Variants in SLC16A2 observed in about 807,000 individuals in gnomAD.
SLC16A2 encodes the protein solute carrier family 16 member 2.
Under a neutral mutation model 27.2 loss-of-function variants are expected in SLC16A2, and 3 were observed. That is an observed-to-expected ratio of 0.11 (90% CI 0.05 to 0.28). The LOEUF is 0.28. SLC16A2 is among the 10% of genes least tolerant of loss of function. The probability of loss-of-function intolerance (pLI) is 1.00; values close to 1 mark genes in which losing one functional copy is unlikely to be tolerated. For missense variants in SLC16A2, 295 were observed against 458.5 expected (o/e 0.64, Z 3.26); for synonymous variants, 202 against 187.8 (o/e 1.08, Z -0.62).
intron 1 of SLC16A2, among the ~76,000 whole-genome samples, chrX:74,508,292 A>G (rs1463640033): frequency 2.7e-5 from 3 of 112,266 alleles, no homozygotes; most frequent in Admixed American, 9.5e-5. Flanking sequence ...CATTGTATCT[A>G]CAGAACAATT....
chrX:74,425,992 C>T (rs1369183808), intron 1 of SLC16A2, among the ~76,000 whole-genome samples: 3 of 111,689 alleles, frequency 2.7e-5, no homozygotes, highest in African/African-American at 9.8e-5. Flanking sequence ...CTGATGGAAA[C>T]AGAATTTTCT....
At chrX:74,452,649 G>T (rs938934925) in intron 1 of SLC16A2, among the ~76,000 whole-genome samples, 1 of 111,190 alleles carries the variant, frequency 9.0e-6, no homozygotes, top group Non-Finnish European at 1.9e-5. Flanking sequence ...CGACACATAT[G>T]TGATGTATAC....
chrX:74,435,843 G>A (rs184225568), intron 1 of SLC16A2, among the ~76,000 whole-genome samples: 1 of 110,017 alleles, frequency 9.1e-6, no homozygotes, highest in East Asian at 2.9e-4. Context: ...CCTGGGTTCT[G>A]GTTCTGGCTC....
intron 2 of SLC16A2, among the ~76,000 whole-genome samples, chrX:74,521,867 G>T (rs1930413066): frequency 8.9e-6 from 1 of 112,153 alleles, no homozygotes; most frequent in Admixed American, 9.4e-5. Flanking sequence ...AGTCCCACTG[G>T]TTCCACTGGC....
chrX:74,505,159 A>G (rs1175470399), intron 1 of SLC16A2, among the ~76,000 whole-genome samples: 1 of 111,836 alleles, frequency 8.9e-6, no homozygotes, highest in African/African-American at 3.2e-5. Context: ...AAAAATTCTA[A>G]AGGAGGAAAA....
At chrX:74,454,491 A>G (rs1334521926) in intron 1 of SLC16A2, among the ~76,000 whole-genome samples, 3 of 106,800 alleles carry the variant, frequency 2.8e-5, no homozygotes, top group Admixed American at 1.0e-4. Context: ...AAAACCAAAC[A>G]TGGCATGTTC....
At chrX:74,437,571 G>A (rs949697431) in intron 1 of SLC16A2, among the ~76,000 whole-genome samples, 14 of 111,998 alleles carry the variant, frequency 1.3e-4, no homozygotes, top group Non-Finnish European at 2.4e-4. Context: ...TTTGCCTATG[G>A]AAAAACTAGC....
chrX:74,528,922 G>T (rs1023542903), intron 4 of SLC16A2, among the ~76,000 whole-genome samples: 1 of 111,969 alleles, frequency 8.9e-6, no homozygotes, highest in Non-Finnish European at 1.9e-5. Context: ...TTATCTTAGG[G>T]TCTAGTGCAA....
At chrX:74,505,986 G>T (rs761534035) in intron 1 of SLC16A2, among the ~76,000 whole-genome samples, 6 of 112,124 alleles carry the variant, frequency 5.4e-5, no homozygotes, top group African/African-American at 1.9e-4. Context: ...AAAATTGTTC[G>T]TCTGACTCCT....
In SLC16A2 at chrX:74,473,087, G is replaced by C. The variant is rs757235695; in HGVS notation, c.431-47903G>C. 8 of 541,146 alleles carry C rather than the reference G, an allele frequency of 1.5e-5. No homozygotes were observed. In the African/African-American group the frequency reaches 1.8e-4, roughly 12 times the overall value. 44.6% of individuals were successfully genotyped at this position (541,146 alleles called of 1,213,427 possible). On this transcript the variant is annotated intron_variant, in intron 1 of 5. Transcript: ENST00000587091. ...CATAGCCACCTTGGTTTTGTGGTTTGGCAAAGAATTGGCCTCCACCACCAT... is the reference window on the plus strand; with the variant it reads ...CATAGCCACCTTGGTTTTGTGGTTTCGCAAAGAATTGGCCTCCACCACCAT...
chrX:74,497,893 C>T (rs758712100), intron 1 of SLC16A2, among the ~76,000 whole-genome samples: 51 of 109,867 alleles, frequency 4.6e-4, no homozygotes, highest in African/African-American at 1.4e-3. Flanking sequence ...GAGAAAATGT[C>T]CTGTGGATTC....
intron 4 of SLC16A2, 138 bp downstream of exon 4, chrX:74,526,031 C>G: frequency 1.4e-6 from 1 of 723,470 alleles, no homozygotes. Flanking sequence ...TCCATTTCAC[C>G]TGCTTTTAAA....
At chrX:74,496,869 C>T (rs1929945810) in intron 1 of SLC16A2, among the ~76,000 whole-genome samples, 1 of 112,019 alleles carries the variant, frequency 8.9e-6, no homozygotes, top group Non-Finnish European at 1.9e-5. Flanking sequence ...CCGAGTGTCC[C>T]AGTCAAACTC....
At chrX:74,461,395 G>GGA (rs756961536) in intron 1 of SLC16A2, among the ~76,000 whole-genome samples, 145 of 88,563 alleles carry the variant, frequency 1.6e-3, no homozygotes, top group East Asian at 6.9e-3. Flanking sequence ...GGAGAGAAAG[G>GGA]GAGAGAGAGA....
At chrX:74,507,564 C>T (rs180824585) in intron 1 of SLC16A2, among the ~76,000 whole-genome samples, 2 of 112,054 alleles carry the variant, frequency 1.8e-5, no homozygotes, top group South Asian at 3.7e-4. Context: ...AAAAATGATA[C>T]CTGCACTCAT....
chrX:74,440,803 T>G (rs897592050), intron 1 of SLC16A2, among the ~76,000 whole-genome samples: 12 of 107,600 alleles, frequency 1.1e-4, no homozygotes, highest in African/African-American at 4.1e-4. Context: ...TAAATGAGGG[T>G]GTGTGTGTGT....
chrX:74,491,008 A>G (rs766118332), intron 1 of SLC16A2, among the ~76,000 whole-genome samples: 268 of 112,192 alleles, frequency 2.4e-3, no homozygotes, highest in South Asian at 0.012. Context: ...GAAGGCTTCA[A>G]TGGGCCTCTG....
chrX:74,517,008 C>T (rs956310111), intron 1 of SLC16A2, among the ~76,000 whole-genome samples: 2 of 111,744 alleles, frequency 1.8e-5, no homozygotes, highest in African/African-American at 3.3e-5. Flanking sequence ...AGTTATGGGT[C>T]GTGGGGGAGT....
At chrX:74,453,802 T>A (rs1378507790) in intron 1 of SLC16A2, among the ~76,000 whole-genome samples, 2 of 111,341 alleles carry the variant, frequency 1.8e-5, no homozygotes, top group African/African-American at 3.3e-5. Flanking sequence ...CACGAGGTGA[T>A]CTTCTCGTGC....
Sources: allele counts gnomAD v4.1 joint callset (sites outside exome capture counted in the v4.1 genomes callset), GRCh38; gene constraint gnomAD v4.1.1; transcripts MANE v1.5; gene names NCBI Gene and HGNC (gene_info 2026-07-23, HGNC 2026-07-21).